Variants in TOM1L1 observed in about 807,000 individuals in gnomAD.
The protein encoded by TOM1L1 is target of myb1 like 1 membrane trafficking protein.
Under a neutral mutation model 63.4 loss-of-function variants are expected in TOM1L1, and 64 were observed. The observed-to-expected ratio is 1.01, with a 90% CI of 0.83 to 1.24. The LOEUF (loss-of-function observed/expected upper bound fraction) is 1.24, where lower values mean the gene tolerates loss of function less well. TOM1L1 is among the 50% of genes most tolerant of loss of function. The probability of loss-of-function intolerance (pLI) is 0.00; values close to 1 mark genes in which losing one functional copy is unlikely to be tolerated. For synonymous variants in TOM1L1, 166 were observed against 194.4 expected, an observed-to-expected ratio of 0.85 and a Z score of 1.22; for missense variants, 536 against 567.0, an observed-to-expected ratio of 0.95 and a Z score of 0.55.
At chr17:54,907,703 C>T (rs1266312125) in intron 3 of TOM1L1, among the ~76,000 whole-genome samples, 1 of 151,690 alleles carries the variant, frequency 6.6e-6, no homozygotes, top group Non-Finnish European at 1.5e-5. Flanking sequence ...TAGATGTACC[C>T]TCAAATATAG....
At chr17:54,924,944 G>A (rs1308676138) in intron 7 of TOM1L1, among the ~76,000 whole-genome samples, 1 of 152,148 alleles carries the variant, frequency 6.6e-6, no homozygotes, top group Non-Finnish European at 1.5e-5. Flanking sequence ...ATCACATACG[G>A]TATATTCTAA....
At chr17:54,943,638 T>C (rs1049688850) in intron 11 of TOM1L1, among the ~76,000 whole-genome samples, 1 of 152,020 alleles carries the variant, frequency 6.6e-6, no homozygotes, top group African/African-American at 2.4e-5. Context: ...GTGATTGCAG[T>C]ATACTTATTT....
Position 54,961,379 on chromosome 17 carries a change from A to C in TOM1L1, c.*146A>C. On this transcript the variant is annotated 3_prime_UTR_variant, in exon 16 of 16. Transcript: ENST00000575882. ...ACATTTCTGCTATAATGAAGATTAA[A>C]TAGAATAACAGTTCCAGGATAACAC... 6.5e-7 allele frequency: 1 copy of C among 1,550,000 alleles called. No individual in the cohort carries two copies. The highest frequency in any genetic ancestry group is 8.7e-7 in the Non-Finnish European group (1 of 1,146,356).
At chr17:54,931,527 T>C (rs2048857859) in intron 8 of TOM1L1, among the ~76,000 whole-genome samples, 1 of 152,100 alleles carries the variant, frequency 6.6e-6, no homozygotes, top group Non-Finnish European at 1.5e-5. Context: ...GGGCCAAGAA[T>C]GGTGGTGCAC....
intron 1 of TOM1L1, among the ~76,000 whole-genome samples, chr17:54,902,814 G>C (rs913097969): frequency 6.6e-6 from 1 of 152,162 alleles, no homozygotes; most frequent in Non-Finnish European, 1.5e-5. Context: ...TTCTTAAAGC[G>C]GCTGTCTGGA....
intron 14 of TOM1L1, chr17:54,951,955 G>A (rs1192019923): frequency 6.6e-6 from 1 of 152,206 alleles, no homozygotes; most frequent in African/African-American, 2.4e-5. Context: ...TTAGGGGCCA[G>A]GATCAGAAAG....
At chr17:54,908,367 A>C (rs575221242) in intron 3 of TOM1L1, among the ~76,000 whole-genome samples, 1 of 152,222 alleles carries the variant, frequency 6.6e-6, no homozygotes, top group Non-Finnish European at 1.5e-5. Context: ...TTGCAGAGGT[A>C]TGCTTAAGGC....
rs752083582 is a variant in TOM1L1 at position 54,939,028 on chromosome 17, T to C, written c.1130+8T>C. On this transcript the variant is annotated splice_region_variant and intron_variant, in intron 11 of 15. Transcript: ENST00000575882. ...GAATACAGAGATACCCCCGTAAGTA[T>C]GTCAGTAACACTGCAGAACTAATAT... The C allele has an allele frequency of 2.6e-6, 4 of 1,541,508 alleles. No individual in the cohort carries two copies. The highest frequency in any genetic ancestry group is 1.1e-5 in the South Asian group (1 of 88,274).
chr17:54,932,327 G>C (rs1338641204), intron 8 of TOM1L1, among the ~76,000 whole-genome samples: 2 of 152,126 alleles, frequency 1.3e-5, no homozygotes, highest in Non-Finnish European at 2.9e-5. Context: ...AAACAGGATA[G>C]GGATTTTCAC....
At chr17:54,945,732 A>G (rs2049108177) in intron 11 of TOM1L1, among the ~76,000 whole-genome samples, 1 of 147,482 alleles carries the variant, frequency 6.8e-6, no homozygotes, top group African/African-American at 2.5e-5. Flanking sequence ...TTGGTTCTTT[A>G]TATCTTGTGT....
intron 14 of TOM1L1, 140 bp from the exon 15 acceptor site, chr17:54,960,426 G>C (rs536864885): frequency 1.5e-6 from 1 of 653,596 alleles, no homozygotes; most frequent in African/African-American, 1.8e-5. Context: ...ACACACTTCA[G>C]GGCAGAGACT....
intron 2 of TOM1L1, 146 bp downstream of exon 2, chr17:54,903,938 C>G (rs1033106538): frequency 3.3e-5 from 22 of 672,408 alleles, no homozygotes; most frequent in African/African-American, 5.5e-5. Flanking sequence ...GAAGACTTGT[C>G]AGGTTGAAAT....
In TOM1L1 at chr17:54,929,903, T is replaced by C. The variant is rs557743430; in HGVS notation, c.721-170T>C. 3.9e-5 allele frequency among the ~76,000 whole-genome samples: 6 copies of C among 152,304 alleles called. No homozygotes were observed. In the South Asian group the frequency reaches 1.2e-3, roughly 32 times the overall value. ...AAGGAAAATATAATCAGTTTATGAC[T>C]CACTGCCTTCCAATAGGAAGGATAA... On this transcript the variant is annotated intron_variant, in intron 7 of 15. Transcript: ENST00000575882.
At chr17:54,960,948 G>A (rs1667174149) in intron 15 of TOM1L1, among the ~76,000 whole-genome samples, 1 of 152,202 alleles carries the variant, frequency 6.6e-6, no homozygotes, top group South Asian at 2.1e-4. Context: ...GTTAATACTT[G>A]TTAACCGGTA....
intron 10 of TOM1L1, chr17:54,937,506 G>T: frequency 2.5e-6 from 1 of 394,940 alleles, no homozygotes; most frequent in South Asian, 3.0e-5. Flanking sequence ...CAGCCCAATG[G>T]CCAATACTTA....
In TOM1L1 at chr17:54,931,528, G is replaced by T. The variant is rs2048857915; in HGVS notation, c.854+1322G>T. 2.0e-5 allele frequency among the ~76,000 whole-genome samples: 3 copies of T among 152,232 alleles called. No individual in the cohort carries two copies. The South Asian group carries it at 6.2e-4, about 32-fold the overall frequency. On this transcript the variant is annotated intron_variant, in intron 8 of 15. Coordinates refer to ENST00000575882, the MANE Select transcript of TOM1L1 (RefSeq NM_005486.3). ...AAGCCAGTATTTATGGGCCAAGAAT[G>T]GTGGTGCACACCTGTAATCCCAGCA... is the stretch of plus-strand genomic sequence containing the variant.
chr17:54,924,070 T>C (rs1395901162), intron 7 of TOM1L1, among the ~76,000 whole-genome samples: 1 of 152,068 alleles, frequency 6.6e-6, no homozygotes, highest in East Asian at 1.9e-4. Context: ...CCCATTATAG[T>C]TGGAGTAAAA....
At chr17:54,948,938 T>C (rs2049164409) in intron 12 of TOM1L1, among the ~76,000 whole-genome samples, 1 of 152,240 alleles carries the variant, frequency 6.6e-6, no homozygotes, top group South Asian at 2.1e-4. Flanking sequence ...GCCTGAGCCA[T>C]TGAATCTGCT....
At chr17:54,944,097 A>G (rs1237600702) in intron 11 of TOM1L1, among the ~76,000 whole-genome samples, 1 of 152,178 alleles carries the variant, frequency 6.6e-6, no homozygotes, top group African/African-American at 2.4e-5. Flanking sequence ...ATTGAAAAGA[A>G]ACCACTAACA....
Sources: allele counts gnomAD v4.1 joint callset (sites outside exome capture counted in the v4.1 genomes callset), GRCh38; gene constraint gnomAD v4.1.1; transcripts MANE v1.5; gene names NCBI Gene and HGNC (gene_info 2026-07-23, HGNC 2026-07-21).